The following OSBPL7 variants were observed in gnomAD, a reference collection of about 807,000 sequenced individuals.
The protein encoded by OSBPL7 is oxysterol binding protein like 7.
Under a neutral mutation model 115.8 loss-of-function variants are expected in OSBPL7, and 66 were observed. The ratio of observed to expected loss-of-function variants is 0.57; its 90% CI spans 0.47 to 0.70. The LOEUF (loss-of-function observed/expected upper bound fraction) is 0.70. Ranked by LOEUF, OSBPL7 falls within the 30% of genes least tolerant of loss-of-function variation. The probability of loss-of-function intolerance (pLI) is 0.00; values close to 1 mark genes in which losing one functional copy is unlikely to be tolerated. For missense variants in OSBPL7, 902 were observed against 1,125.5 expected, an observed-to-expected ratio of 0.80 and a Z score of 2.84; for synonymous variants, 441 against 439.2, an observed-to-expected ratio of 1.00 and a Z score of -0.05.
chr17:47,812,878 C>T (rs530477968), intron 16 of OSBPL7, among the ~76,000 whole-genome samples: 1 of 152,310 alleles, frequency 6.6e-6, no homozygotes, highest in Non-Finnish European at 1.5e-5. Flanking sequence ...TCTTTCCCTT[C>T]ACTGGCAGGG....
intron 16 of OSBPL7, 84 bp downstream of exon 16, chr17:47,813,182 C>T: frequency 6.4e-7 from 1 of 1,557,672 alleles, no homozygotes; most frequent in South Asian, 1.2e-5. Flanking sequence ...GGCCCTGGTC[C>T]CTCTGCCCCA....
In OSBPL7 at chr17:47,821,247, C is replaced by T. The variant is rs1299343804; in HGVS notation, c.-88+419G>A. On this transcript the variant is annotated intron_variant, in intron 1 of 22. Transcript: ENST00000007414. ...GAGACGGGGGAGGGGACTGGAGGGG[C>T]GAGGCTGGTTTGAGGTGGGGGAAGC... Among the ~76,000 whole-genome samples, 3 of 151,794 alleles carry T rather than the reference C, an allele frequency of 2.0e-5. No homozygotes were observed. In the South Asian group the frequency reaches 6.3e-4, roughly 32 times the overall value.
chr17:47,821,120 T>C (rs527799664), intron 1 of OSBPL7, among the ~76,000 whole-genome samples: 1 of 152,092 alleles, frequency 6.6e-6, no homozygotes, highest in African/African-American at 2.4e-5. Flanking sequence ...CATGCCCAGG[T>C]CTGCACAGGT....
intron 13 of OSBPL7, 82 bp from the exon 14 acceptor site, chr17:47,814,696 G>T: frequency 8.5e-7 from 1 of 1,177,806 alleles, no homozygotes; most frequent in Non-Finnish European, 1.2e-6. Context: ...GCAAGAATCT[G>T]CCCAACTAGC....
At chr17:47,812,473 C>G (rs1163633047) in intron 16 of OSBPL7, among the ~76,000 whole-genome samples, 1 of 151,896 alleles carries the variant, frequency 6.6e-6, no homozygotes, top group African/African-American at 2.4e-5. Context: ...CTGTGGAAGT[C>G]GAGCCCACAT....
At chr17:47,812,626 C>A (rs2033079751) in intron 16 of OSBPL7, among the ~76,000 whole-genome samples, 1 of 152,224 alleles carries the variant, frequency 6.6e-6, no homozygotes, top group Non-Finnish European at 1.5e-5. Context: ...TGCTGAGGAC[C>A]AGCCCCTGTC....
intron 16 of OSBPL7, 152 bp downstream of exon 16, chr17:47,813,114 G>T: frequency 9.6e-7 from 1 of 1,038,336 alleles, no homozygotes; most frequent in Non-Finnish European, 1.4e-6. Context: ...ACCTCAGAAC[G>T]TGGGCCAGGA....
Position 47,807,924 on chromosome 17 carries a change from G to A in OSBPL7, c.*367C>T. The A allele has an allele frequency of 7.8e-6, 2 of 256,236 alleles. No individual in the cohort carries two copies. Among genetic ancestry groups the A allele is most frequent in the Non-Finnish European group, 1.5e-5 (2 of 129,568 alleles). The allele number at this position is 256,236 out of a possible 1,614,324, so 15.9% of individuals were successfully genotyped here. ...GGCCTGGGCACAGAAAGCCTGGGGA[G>A]CGTCAAGGAGTCCCCTGTGTCCTAG... On this transcript the variant is annotated 3_prime_UTR_variant, in exon 23 of 23. Transcript: ENST00000007414.
chr17:47,815,824 C>T (rs139238761), intron 12 of OSBPL7: 13 of 381,942 alleles, frequency 3.4e-5, no homozygotes, highest in African/African-American at 2.1e-4. Context: ...ATTGCAGGAG[C>T]CTGAGCCCAC....
At position 47,821,747 on chromosome 17, in the gene OSBPL7, T is replaced by A. The variant is rs1598030263; in HGVS notation, c.-169A>T. On this transcript the variant is annotated 5_prime_UTR_variant, in exon 1 of 23. Coordinates refer to ENST00000007414, the MANE Select transcript of OSBPL7 (RefSeq NM_145798.3). ...CACCGTCTCCGAGTCACCGGCTCCCTCCTCACCGCGCTGAGCAGTGGCAGC... is the reference window on the plus strand; with the variant it reads ...CACCGTCTCCGAGTCACCGGCTCCCACCTCACCGCGCTGAGCAGTGGCAGC... 6.6e-6 allele frequency: 1 copy of A among 152,464 alleles called. No individual in the cohort carries two copies. Among genetic ancestry groups the A allele is most frequent in the African/African-American group, 2.4e-5 (1 of 41,546 alleles). 9.4% of individuals were successfully genotyped at this position (152,464 alleles called of 1,614,324 possible). A position where few individuals can be genotyped will look rare whatever the true frequency, so the allele number is the denominator to read the frequency against.
rs1473124629 is a variant in OSBPL7, at chr17:47,820,161, G to A, written c.75+43C>T. On this transcript the variant is annotated intron_variant, in intron 2 of 22. Transcript: ENST00000007414. ...GTCCGCCTTGGCCCCTCCCTGTCTG[G>A]TTCCAGCTTGGCCCACCCACCACCG... 2.5e-6 allele frequency: 4 copies of A among 1,613,800 alleles called. No homozygotes were observed. In the East Asian group the frequency reaches 6.7e-5, roughly 27 times the overall value.
chr17:47,809,018 G>C (rs957068620), intron 20 of OSBPL7, 28 bp from the exon 21 acceptor site: 1 of 1,613,810 alleles, frequency 6.2e-7, no homozygotes, highest in East Asian at 2.2e-5. Context: ...GCTGGGGCAG[G>C]TGCACCATGC....
chr17:47,812,758 C>T (rs1365046660), intron 16 of OSBPL7, among the ~76,000 whole-genome samples: 1 of 152,208 alleles, frequency 6.6e-6, no homozygotes, highest in Admixed American at 6.5e-5. Context: ...CACACACCAC[C>T]CGGGTGTGCT....
intron 3 of OSBPL7, 46 bp downstream of exon 3, chr17:47,819,925 A>ACCC: frequency 3.0e-6 from 1 of 332,594 alleles, no homozygotes; most frequent in Non-Finnish European, 4.6e-6. Flanking sequence ...CCCCATTCCC[A>ACCC]CCCCGCCCCC....
rs746728790 is a variant in OSBPL7 at position 47,817,291 on chromosome 17, G to A, written c.667C>T (p.Arg223Ter). The A allele has an allele frequency of 1.9e-6, 3 of 1,602,252 alleles. No homozygotes were observed. Among genetic ancestry groups the A allele is most frequent in the South Asian group, 1.1e-5 (1 of 88,894 alleles). The change falls in exon 8 of 23, where the codon CGA (arginine) becomes TGA (stop). Residue 223 changes from arginine to a stop codon, truncating the protein, a stop_gained. Transcript: ENST00000007414. LOFTEE classifies it high-confidence loss of function. Reference protein sequence around the residue: ...RLLQSLESLHRIPSAPVIPTH... With the variant: ...RLLQSLESLH ...GGGATAACAGGGGCTGAGGGGATTC[G>A]GTGCAGGGACTCCAGGCTCTGGAGG... is the stretch of plus-strand genomic sequence containing the variant.
Position 47,814,527 on chromosome 17 carries a change from G to A in OSBPL7, c.1345C>T (p.Gln449Ter). 1 of 1,445,058 alleles carries A rather than the reference G, an allele frequency of 6.9e-7. No individual in the cohort carries two copies. Among genetic ancestry groups the A allele is most frequent in the Non-Finnish European group, 9.3e-7 (1 of 1,073,998 alleles). 89.5% of individuals were successfully genotyped at this position (1,445,058 alleles called of 1,614,324 possible). Residue 449 changes from glutamine (Q) to a stop codon, truncating the protein, a stop_gained, in exon 14 of 23, where the codon CAG becomes TAG. Coordinates refer to ENST00000007414, the MANE Select transcript of OSBPL7 (RefSeq NM_145798.3). LOFTEE classifies it high-confidence loss of function. ...CTGCCCACCCAGCTGGCACCTTTCT[G>A]ACAGCGCTCAGCTCCCCTGAGGTCC... Reference protein sequence around the residue: ...MLDLRGAERCQKGGCVPGRPM... With the variant: ...MLDLRGAERC
chr17:47,820,344 G>T lies in OSBPL7; in HGVS notation c.-66C>A, dbSNP rs2033362195. 2.1e-5 allele frequency: 31 copies of T among 1,495,284 alleles called. No homozygotes were observed. In the South Asian group the frequency reaches 3.7e-4, roughly 18 times the overall value. The allele number at this position is 1,495,284 out of a possible 1,614,324, so 92.6% of individuals were successfully genotyped here. On this transcript the variant is annotated 5_prime_UTR_variant, in exon 2 of 23. Transcript: ENST00000007414. ...GGGAGCAGGGTGGAAGGGGAAGGAT[G>T]TCACCTGCTCCTGACGGGGTCCTTG...
In OSBPL7 at chr17:47,813,263, T is replaced by C; in HGVS notation, c.1737+3A>G. The C allele has an allele frequency of 6.2e-7, 1 of 1,613,834 alleles. No individual in the cohort carries two copies. The highest frequency in any genetic ancestry group is 8.5e-7 in the Non-Finnish European group (1 of 1,179,990). ...GGCCAGCCCTCTTCTCCCAAGGCCA[T>C]ACCTGCTCACTGATGAAGCGGAAGC... On this transcript the variant is annotated splice_donor_region_variant and intron_variant, in intron 16 of 22. Transcript: ENST00000007414.
chr17:47,810,747 C>A, intron 17 of OSBPL7, 25 bp downstream of exon 17: 1 of 1,613,744 alleles, frequency 6.2e-7, no homozygotes, highest in Non-Finnish European at 8.5e-7. Flanking sequence ...CCAGGGCCAC[C>A]CCGGCCCTGC....
Sources: allele counts gnomAD v4.1 joint callset (sites outside exome capture counted in the v4.1 genomes callset), GRCh38; gene constraint gnomAD v4.1.1; transcripts MANE v1.5; gene names NCBI Gene and HGNC (gene_info 2026-07-23, HGNC 2026-07-21).